Variants in DMD observed in about 807,000 individuals in gnomAD.
DMD encodes mutant dystrophin.
In DMD, 63 loss-of-function variants were observed where a neutral mutation model predicts 330.1. That is an observed-to-expected ratio of 0.19 (90% CI 0.16 to 0.24). The LOEUF (loss-of-function observed/expected upper bound fraction) is 0.24, where lower values mean the gene tolerates loss of function less well. DMD is among the 10% of genes least tolerant of loss of function. The pLI is 1.00. For missense variants in DMD, 3,344 were observed against 2,684.1 expected (o/e 1.25, Z -5.43); for synonymous variants, 1,223 against 959.8 (o/e 1.27, Z -5.07).
chrX:32,771,418 A>T (rs1398884237), intron 7 of DMD, among the ~76,000 whole-genome samples: 1 of 110,739 alleles, frequency 9.0e-6, no homozygotes, highest in Non-Finnish European at 1.9e-5. Flanking sequence ...AACCTAGCAA[A>T]CTAAGTAGAT....
At chrX:33,007,880 G>C (rs1231218168) in intron 2 of DMD, among the ~76,000 whole-genome samples, 1 of 111,609 alleles carries the variant, frequency 9.0e-6, no homozygotes, top group African/African-American at 3.2e-5. Flanking sequence ...AATAGGACTA[G>C]TTCCTATGAA....
At chrX:31,583,780 T>C (rs781041885) in intron 55 of DMD, among the ~76,000 whole-genome samples, 63 of 109,244 alleles carry the variant, frequency 5.8e-4, no homozygotes, top group African/African-American at 2.1e-3. Flanking sequence ...TATTATACTT[T>C]AAGTTTTAGG....
intron 2 of DMD, among the ~76,000 whole-genome samples, chrX:32,884,927 C>T (rs149283614): frequency 5.6e-4 from 62 of 111,676 alleles, no homozygotes; most frequent in African/African-American, 1.9e-3. Flanking sequence ...AAATTTCAGG[C>T]TGTTCTTTAG....
At chrX:31,828,855 C>T (rs999507274) in intron 49 of DMD, among the ~76,000 whole-genome samples, 1 of 110,528 alleles carries the variant, frequency 9.0e-6, no homozygotes, top group Non-Finnish European at 1.9e-5. Flanking sequence ...AGAGGGAATC[C>T]TCCCTAAATC....
chrX:33,051,560 T>C (rs901506285), intron 1 of DMD, among the ~76,000 whole-genome samples: 7 of 109,896 alleles, frequency 6.4e-5, no homozygotes, highest in African/African-American at 2.3e-4. Flanking sequence ...TACTTAATGA[T>C]TGTAATTATT....
chrX:32,166,328 A>G (rs1272588761), intron 44 of DMD, among the ~76,000 whole-genome samples: 2 of 110,578 alleles, frequency 1.8e-5, no homozygotes, highest in African/African-American at 6.6e-5. Flanking sequence ...ATCGTGGTAC[A>G]TGCCTGTAGA....
chrX:32,250,526 A>T lies in DMD; in HGVS notation c.6291-33463T>A, dbSNP rs758636901. ...ATCCATGCGGGTCAAAAGGAAATTA[A>T]TGAGCTCTTGTTTCCTCTGACACAA... On this transcript the variant is annotated intron_variant, in intron 43 of 78. Transcript: ENST00000357033. Among the ~76,000 whole-genome samples, 5 of 112,188 alleles carry T rather than the reference A, an allele frequency of 4.5e-5. No individual in the cohort carries two copies. The South Asian group carries it at 1.1e-3, about 25-fold the overall frequency.
intron 1 of DMD, among the ~76,000 whole-genome samples, chrX:33,174,450 T>A (rs2049537016): frequency 8.9e-6 from 1 of 112,191 alleles, no homozygotes; most frequent in Admixed American, 9.5e-5. Flanking sequence ...TTAATTTTTG[T>A]TATTGTTGTT....
intron 7 of DMD, among the ~76,000 whole-genome samples, chrX:32,739,904 G>T (rs962408881): frequency 1.8e-5 from 2 of 110,097 alleles, no homozygotes; most frequent in Non-Finnish European, 3.8e-5. Context: ...CAAACCTCTA[G>T]GTTATTCTGA....
At chrX:32,311,488 G>A (rs183974015) in intron 41 of DMD, among the ~76,000 whole-genome samples, 145 of 111,330 alleles carry the variant, frequency 1.3e-3, no homozygotes, top group Non-Finnish European at 2.3e-3. Context: ...AAAAAATGAA[G>A]TAATTCTAAT....
chrX:31,799,309 T>C (rs764241587), intron 50 of DMD, among the ~76,000 whole-genome samples: 2 of 111,812 alleles, frequency 1.8e-5, no homozygotes, highest in Non-Finnish European at 3.8e-5. Flanking sequence ...TGATTCACCA[T>C]TCTGCATGGC....
Position 32,278,381 on chromosome X carries a change from A to G in DMD, c.6290+9148T>C, listed in dbSNP as rs182940982. Among the ~76,000 whole-genome samples, 5 of 111,379 alleles carry G rather than the reference A, an allele frequency of 4.5e-5. No homozygotes were observed. The East Asian group carries it at 1.4e-3, about 31-fold the overall frequency. On this transcript the variant is annotated intron_variant, in intron 43 of 78. Transcript: ENST00000357033. ...GCACTGCTGAACTCTACCATGTGAT[A>G]AATATTGATGCAAAATTGATGCAAA...
chrX:33,133,791 T>A (rs2095511767), intron 1 of DMD, among the ~76,000 whole-genome samples: 1 of 112,190 alleles, frequency 8.9e-6, no homozygotes, highest in African/African-American at 3.2e-5. Flanking sequence ...CACTGTGGTG[T>A]GTGTCTGTTT....
At chrX:31,981,417 G>A (rs1056010990) in intron 44 of DMD, among the ~76,000 whole-genome samples, 1 of 111,602 alleles carries the variant, frequency 9.0e-6, no homozygotes, top group African/African-American at 3.3e-5. Context: ...AAGGTGCTCA[G>A]ATTCTAATAG....
chrX:31,829,421 T>C (rs190502235), intron 49 of DMD, among the ~76,000 whole-genome samples: 2 of 106,627 alleles, frequency 1.9e-5, no homozygotes, highest in East Asian at 5.8e-4. Flanking sequence ...CACAAATAAA[T>C]ATGTACAATT....
At chrX:32,525,724 G>A (rs2046878759) in intron 17 of DMD, among the ~76,000 whole-genome samples, 1 of 110,896 alleles carries the variant, frequency 9.0e-6, no homozygotes, top group African/African-American at 3.3e-5. Flanking sequence ...ATGTCTTCAT[G>A]CTTTAAATTG....
intron 45 of DMD, among the ~76,000 whole-genome samples, chrX:31,957,986 T>TA (rs781244248): frequency 9.0e-6 from 1 of 111,233 alleles, no homozygotes; most frequent in South Asian, 3.7e-4. Context: ...AAGAACTTTG[T>TA]AAATAAGTGT....
At chrX:31,995,346 A>G (rs1205290582) in intron 44 of DMD, among the ~76,000 whole-genome samples, 1 of 111,752 alleles carries the variant, frequency 8.9e-6, no homozygotes, top group African/African-American at 3.2e-5. Flanking sequence ...CATATGTACA[A>G]GTGTCAATAG....
intron 44 of DMD, among the ~76,000 whole-genome samples, chrX:32,053,216 A>T (rs1386692295): frequency 8.9e-6 from 1 of 111,806 alleles, no homozygotes; most frequent in Non-Finnish European, 1.9e-5. Context: ...TCTCAAATGT[A>T]GAATTCTCAT....
Sources: allele counts gnomAD v4.1 joint callset (sites outside exome capture counted in the v4.1 genomes callset), GRCh38; gene constraint gnomAD v4.1.1; transcripts MANE v1.5; gene names NCBI Gene and HGNC (gene_info 2026-07-23, HGNC 2026-07-21).